Variants in MECOM observed in about 807,000 individuals in gnomAD.
The protein encoded by MECOM is MDS1 and EVI1 complex locus, also known as histone-lysine N-methyltransferase MECOM.
In MECOM, 13 loss-of-function variants were observed where a neutral mutation model predicts 116.3. The observed-to-expected ratio is 0.11, with a 90% CI of 0.07 to 0.18. MECOM has a LOEUF of 0.18. Among genes scored for constraint, MECOM ranks in the 10% least tolerant of loss-of-function variants. The pLI, the probability that MECOM is intolerant of heterozygous loss-of-function variation, is 1.00. For synonymous variants in MECOM, 528 were observed against 535.2 expected (o/e 0.99, Z 0.19); for missense variants, 1,299 against 1,509.0 (o/e 0.86, Z 2.31).
chr3:169,121,260 A>G, intron 6 of MECOM, 51 bp from the exon 7 acceptor site: 4 of 1,522,540 alleles, frequency 2.6e-6, no homozygotes, highest in South Asian at 1.3e-5. Flanking sequence ...CAAGGGCACA[A>G]TAAAGAAGAC....
At chr3:169,151,801 C>A (rs1282763367) in intron 2 of MECOM, among the ~76,000 whole-genome samples, 2 of 152,122 alleles carry the variant, frequency 1.3e-5, no homozygotes, top group Non-Finnish European at 2.9e-5. Flanking sequence ...GTAAGTATGT[C>A]TTTTAGGACT....
At chr3:169,178,818 C>T (rs1553760364) in intron 2 of MECOM, among the ~76,000 whole-genome samples, 2 of 152,150 alleles carry the variant, frequency 1.3e-5, no homozygotes, top group Non-Finnish European at 2.9e-5. Context: ...AGACTACAAA[C>T]CTTCTTGAAA....
intron 2 of MECOM, among the ~76,000 whole-genome samples, chr3:169,287,747 T>C (rs565538859): frequency 6.6e-6 from 1 of 152,300 alleles, no homozygotes; most frequent in South Asian, 2.1e-4. Flanking sequence ...TCAATAAATA[T>C]GCTTTGGTTT....
At chr3:169,461,459 C>T (rs1747427450) in intron 1 of MECOM, among the ~76,000 whole-genome samples, 1 of 152,080 alleles carries the variant, frequency 6.6e-6, no homozygotes, top group South Asian at 2.1e-4. Flanking sequence ...ATCTGTGCCT[C>T]CGCTTATACA....
At chr3:169,357,654 G>C (rs895974945) in intron 2 of MECOM, among the ~76,000 whole-genome samples, 1 of 151,738 alleles carries the variant, frequency 6.6e-6, no homozygotes, top group Non-Finnish European at 1.5e-5. Context: ...AAGACTAATT[G>C]TGCCTCAGAT....
intron 2 of MECOM, among the ~76,000 whole-genome samples, chr3:169,359,000 C>T (rs990451852): frequency 4.0e-5 from 6 of 151,648 alleles, no homozygotes; most frequent in Non-Finnish European, 8.9e-5. Context: ...AACTAATCCT[C>T]GAGCCTCATA....
intron 2 of MECOM, among the ~76,000 whole-genome samples, chr3:169,274,383 A>T (rs1200839516): frequency 6.6e-6 from 1 of 152,216 alleles, no homozygotes; most frequent in Non-Finnish European, 1.5e-5. Context: ...TATATCATGA[A>T]CTAAGTATAT....
intron 12 of MECOM, among the ~76,000 whole-genome samples, chr3:169,097,817 T>TATAAAAAAAAAAAAAAAAAAAA (rs1553818439): frequency 4.6e-5 from 4 of 87,216 alleles, no homozygotes; most frequent in East Asian, 9.9e-4. Flanking sequence ...ACTGTCTATA[T>TATAAAAAAAAAAAAAAAAAAAA]AAAAAAAAAA....
intron 2 of MECOM, among the ~76,000 whole-genome samples, chr3:169,348,038 A>G (rs891398714): frequency 3.9e-5 from 6 of 152,076 alleles, no homozygotes; most frequent in Admixed American, 3.9e-4. Context: ...TTCTCTGCTT[A>G]TCTACAGGGC....
At chr3:169,586,207 T>C (rs1016544366) in intron 1 of MECOM, among the ~76,000 whole-genome samples, 8 of 152,254 alleles carry the variant, frequency 5.3e-5, no homozygotes, top group African/African-American at 1.4e-4. Context: ...CTTGCTCCCA[T>C]AGGGGAAACA....
intron 2 of MECOM, among the ~76,000 whole-genome samples, chr3:169,347,409 C>G (rs968694153): frequency 6.6e-6 from 1 of 151,922 alleles, no homozygotes; most frequent in Non-Finnish European, 1.5e-5. Flanking sequence ...CACACAATGT[C>G]TGTGTGTGTG....
intron 1 of MECOM, among the ~76,000 whole-genome samples, chr3:169,518,568 G>A (rs1312887056): frequency 6.6e-6 from 1 of 152,066 alleles, no homozygotes; most frequent in East Asian, 1.9e-4. Flanking sequence ...TATATGTACT[G>A]TATATTTCAC....
Position 169,597,392 on chromosome 3 carries a change from G to A in MECOM, c.37+65944C>T, listed in dbSNP as rs370912545. On this transcript the variant is annotated intron_variant, in intron 1 of 16. Coordinates refer to ENST00000651503, the MANE Select transcript of MECOM (RefSeq NM_004991.4). ...AAAGAGTCTTTGTGCAACAACACCA[G>A]GGAGGTGACGGAAAGCTGCTCAGGA... 6.6e-5 allele frequency among the ~76,000 whole-genome samples: 10 copies of A among 152,302 alleles called. No individual in the cohort carries two copies. The East Asian group carries it at 1.4e-3, about 21-fold the overall frequency.
chr3:169,147,208 A>G (rs926532661), intron 2 of MECOM: 20 of 985,298 alleles, frequency 2.0e-5, no homozygotes, highest in Non-Finnish European at 2.3e-5. Context: ...CCCAGTTCCA[A>G]TGGGGGAAAA....
intron 2 of MECOM, among the ~76,000 whole-genome samples, chr3:169,300,990 A>C (rs1302293173): frequency 6.6e-6 from 1 of 152,230 alleles, no homozygotes; most frequent in African/African-American, 2.4e-5. Flanking sequence ...TGCTGTCACT[A>C]GTTACTGAAT....
intron 1 of MECOM, among the ~76,000 whole-genome samples, chr3:169,638,535 T>G (rs1773088283): frequency 6.6e-6 from 1 of 152,220 alleles, no homozygotes; most frequent in South Asian, 2.1e-4. Context: ...CAAGTAATCA[T>G]GTATTTACTA....
At chr3:169,545,000 C>T (rs9821752) in intron 1 of MECOM, among the ~76,000 whole-genome samples, 39,419 of 151,870 alleles carry the variant, frequency 0.26, 5,183 homozygotes, top group Non-Finnish European at 0.28. Flanking sequence ...AACAAACCTG[C>T]ACGTTCTGCA....
At chr3:169,118,580 A>G (rs1218335031) in intron 7 of MECOM, among the ~76,000 whole-genome samples, 1 of 152,194 alleles carries the variant, frequency 6.6e-6, no homozygotes, top group African/African-American at 2.4e-5. Flanking sequence ...TGGAATTATA[A>G]AAAGTAAGAA....
chr3:169,439,527 A>G (rs1743260876), intron 1 of MECOM, among the ~76,000 whole-genome samples: 1 of 152,118 alleles, frequency 6.6e-6, no homozygotes, highest in Non-Finnish European at 1.5e-5. Flanking sequence ...TGTGAAATCA[A>G]ATGCAAATTA....
Sources: allele counts gnomAD v4.1 joint callset (sites outside exome capture counted in the v4.1 genomes callset), GRCh38; gene constraint gnomAD v4.1.1; transcripts MANE v1.5; gene names NCBI Gene and HGNC (gene_info 2026-07-23, HGNC 2026-07-21).